The following PAX7 variants were observed in gnomAD, a reference collection of about 807,000 sequenced individuals.
The protein encoded by PAX7 is paired box 7.
In PAX7, 18 loss-of-function variants were observed where a neutral mutation model predicts 50.7. The observed-to-expected ratio is 0.36, with a 90% CI of 0.25 to 0.53. The LOEUF is 0.53. PAX7 is among the 20% of genes least tolerant of loss of function. The probability of loss-of-function intolerance (pLI) is 0.93; values close to 1 mark genes in which losing one functional copy is unlikely to be tolerated. For missense variants in PAX7, 644 were observed against 702.9 expected, an observed-to-expected ratio of 0.92 and a Z score of 0.95; for synonymous variants, 310 against 290.4, an observed-to-expected ratio of 1.07 and a Z score of -0.69.
At chr1:18,672,443 C>T (rs1266349804) in intron 4 of PAX7, among the ~76,000 whole-genome samples, 1 of 152,112 alleles carries the variant, frequency 6.6e-6, no homozygotes, top group Non-Finnish European at 1.5e-5. Context: ...GCGCCATGCA[C>T]CCACCCAGCA....
At chr1:18,674,626 C>A (rs540217144) in intron 4 of PAX7, among the ~76,000 whole-genome samples, 33 of 152,216 alleles carry the variant, frequency 2.2e-4, no homozygotes, top group Non-Finnish European at 3.5e-4. Context: ...CGTCTCCACC[C>A]TTCCCATGTG....
chr1:18,704,701 A>AT (rs1553140625), intron 7 of PAX7, among the ~76,000 whole-genome samples: 248 of 148,830 alleles, frequency 1.7e-3, no homozygotes, highest in African/African-American at 5.8e-3. Context: ...CTTACAGTAA[A>AT]TTAAAAAAAA....
rs1352398355 is a variant in PAX7, at chr1:18,631,666, C to A, written c.63C>A (p.Pro21=). 4 of 1,612,856 alleles carry A rather than the reference C, an allele frequency of 2.5e-6. No homozygotes were observed. In the African/African-American group the frequency reaches 5.3e-5, roughly 22 times the overall value. The change falls in exon 1 of 9, where the codon CCC becomes CCA. Residue 21 remains proline, a synonymous_variant. Transcript: ENST00000420770. ...MMRPAPGQNY[P]RTGFPLEVST... ...GGCCGGCTCCGGGGCAGAACTACCC[C>A]CGCACGGGATTCCCTTTGGAAGGTA...
chr1:18,695,961 C>G (rs960926633), intron 5 of PAX7, among the ~76,000 whole-genome samples: 1 of 151,990 alleles, frequency 6.6e-6, no homozygotes, highest in African/African-American at 2.4e-5. Context: ...GTGGGATGTT[C>G]TGAACGGAAA....
rs1931444496 is a variant in PAX7, at chr1:18,746,475, T to C, written c.*1546T>C. Reference sequence around the variant, plus strand: ...ACTTTTTACCACCTTTACCTATTTATCAAAATCATATTCATCTTTACCATC... The same window carrying C: ...ACTTTTTACCACCTTTACCTATTTACCAAAATCATATTCATCTTTACCATC... On this transcript the variant is annotated 3_prime_UTR_variant, in exon 9 of 9. Coordinates refer to ENST00000420770, the MANE Select transcript of PAX7 (RefSeq NM_001135254.2). The C allele has an allele frequency of 1.3e-5, 3 of 230,766 alleles. No individual in the cohort carries two copies. The highest frequency in any genetic ancestry group is 2.6e-5 in the Non-Finnish European group (3 of 116,564). The allele number at this position is 230,766 out of a possible 1,614,324, so 14.3% of individuals were successfully genotyped here.
chr1:18,654,997 A>G (rs114965046), intron 4 of PAX7, among the ~76,000 whole-genome samples: 3,010 of 152,270 alleles, frequency 0.02, 106 homozygotes, highest in African/African-American at 0.068. Context: ...ACGTGCCTAC[A>G]ATGCCACCGT....
At chr1:18,676,795 G>T (rs1364359772) in intron 4 of PAX7, among the ~76,000 whole-genome samples, 2 of 152,190 alleles carry the variant, frequency 1.3e-5, no homozygotes, top group Non-Finnish European at 2.9e-5. Flanking sequence ...ATTGTTGAGA[G>T]CCAGCCCCGC....
intron 4 of PAX7, among the ~76,000 whole-genome samples, chr1:18,650,999 C>A (rs1243430376): frequency 6.6e-6 from 1 of 152,092 alleles, no homozygotes; most frequent in Non-Finnish European, 1.5e-5. Context: ...CAGCTCTGGG[C>A]TCTGAGCCCT....
chr1:18,694,646 C>T (rs1440040280), intron 5 of PAX7, among the ~76,000 whole-genome samples: 2 of 152,104 alleles, frequency 1.3e-5, no homozygotes, highest in Non-Finnish European at 2.9e-5. Context: ...ATGAAGGTCT[C>T]CAGGAAAGAG....
At chr1:18,646,575 G>C (rs2088342670) in intron 4 of PAX7, among the ~76,000 whole-genome samples, 1 of 152,152 alleles carries the variant, frequency 6.6e-6, no homozygotes, top group Non-Finnish European at 1.5e-5. Flanking sequence ...TCAGGAGTTC[G>C]TCCTCCTCCC....
intron 8 of PAX7, among the ~76,000 whole-genome samples, chr1:18,739,404 G>A (rs1931001031): frequency 6.6e-6 from 1 of 152,210 alleles, no homozygotes; most frequent in African/African-American, 2.4e-5. Flanking sequence ...ACTAATGTGT[G>A]TACACAGCTT....
chr1:18,651,573 G>T (rs951639253), intron 4 of PAX7, among the ~76,000 whole-genome samples: 1 of 152,162 alleles, frequency 6.6e-6, no homozygotes, highest in South Asian at 2.1e-4. Flanking sequence ...AAGGAAAGTG[G>T]TGTCACATCT....
At chr1:18,720,628 C>A (rs761514923) in intron 7 of PAX7, among the ~76,000 whole-genome samples, 1 of 150,722 alleles carries the variant, frequency 6.6e-6, no homozygotes, top group Non-Finnish European at 1.5e-5. Flanking sequence ...TGGGCGCAGA[C>A]GGACCCATGG....
At chr1:18,686,280 C>T (rs746614620) in intron 4 of PAX7, among the ~76,000 whole-genome samples, 4 of 152,218 alleles carry the variant, frequency 2.6e-5, no homozygotes, top group Admixed American at 6.5e-5. Context: ...GACTGCTCCA[C>T]ATCCCTGACT....
At chr1:18,659,950 C>T (rs1289830988) in intron 4 of PAX7, among the ~76,000 whole-genome samples, 1 of 152,188 alleles carries the variant, frequency 6.6e-6, no homozygotes, top group Non-Finnish European at 1.5e-5. Context: ...TGGGAAAAGC[C>T]CAGCGGGCCA....
intron 4 of PAX7, among the ~76,000 whole-genome samples, chr1:18,675,116 T>C (rs1328529263): frequency 1.3e-5 from 2 of 152,130 alleles, no homozygotes; most frequent in Admixed American, 1.3e-4. Context: ...TTTGAGTGTT[T>C]GAAAGAGTCC....
intron 4 of PAX7, among the ~76,000 whole-genome samples, chr1:18,641,961 C>A (rs115513050): frequency 0.021 from 3,216 of 151,304 alleles, 111 homozygotes; most frequent in African/African-American, 0.069. Context: ...CCTCCCCCCC[C>A]CCAACTCCCG....
chr1:18,634,324 G>T lies in PAX7; in HGVS notation c.107G>T (p.Gly36Val), dbSNP rs1557498636. The change falls in exon 2 of 9, where the codon GGC (glycine) becomes GTC (valine). Residue 36 changes from glycine to valine, a missense_variant. Gly to Val is a moderately radical substitution (Grantham distance 109). Transcript: ENST00000420770. This position sits in a 1 kb window ranked among gnomAD's most constrained non-coding sequence, Gnocchi z 4.0. Reference sequence around the variant, plus strand: ...CCAGTGTCCACCCCGCTTGGCCAAGGCCGGGTCAATCAGCTGGGAGGGGTC... The same window carrying T: ...CCAGTGTCCACCCCGCTTGGCCAAGTCCGGGTCAATCAGCTGGGAGGGGTC... ...PLEVSTPLGQ[G>V]RVNQLGGVFI... 1 of 1,613,906 alleles carries T rather than the reference G, an allele frequency of 6.2e-7. No homozygotes were observed. The highest frequency in any genetic ancestry group is 8.5e-7 in the Non-Finnish European group (1 of 1,179,976).
Position 18,636,222 on chromosome 1 carries a change from C to T in PAX7, c.452-15C>T. On this transcript the variant is annotated splice_polypyrimidine_tract_variant and intron_variant, in intron 3 of 8. Transcript: ENST00000420770. The surrounding 1 kb of genome is among the most constrained non-coding windows in gnomAD (Gnocchi z 5.1). ...CAACAACTTATACTTGCTCTTTTGCCTTTGAATTTCTGAGGTTTAGTGAGT... is the reference window on the plus strand; with the variant it reads ...CAACAACTTATACTTGCTCTTTTGCTTTTGAATTTCTGAGGTTTAGTGAGT... 1 of 1,613,176 alleles carries T rather than the reference C, an allele frequency of 6.2e-7. No homozygotes were observed. Among genetic ancestry groups the T allele is most frequent in the East Asian group, 2.2e-5 (1 of 44,850 alleles).
Sources: gnomAD v4.1 joint callset for allele counts (sites outside exome capture counted in the v4.1 genomes callset) on GRCh38, gnomAD v4.1.1 for gene constraint, Gnocchi (gnomAD v3.1) non-coding constraint, MANE v1.5 for transcripts, NCBI Gene and HGNC (gene_info 2026-07-23, HGNC 2026-07-21) for gene names.